Variants in LTBP4 observed in about 807,000 individuals in gnomAD.
LTBP4 encodes the protein latent transforming growth factor beta binding protein 4.
In LTBP4, 93 loss-of-function variants were observed where a neutral mutation model predicts 180.2. The observed-to-expected ratio is 0.52, with a 90% CI of 0.44 to 0.61. LTBP4 has a LOEUF of 0.61. Among genes scored for constraint, LTBP4 ranks in the 20% least tolerant of loss-of-function variants. The pLI is 0.00. For missense variants in LTBP4, 2,116 were observed against 2,256.5 expected (o/e 0.94, Z 1.26); for synonymous variants, 947 against 934.5 (o/e 1.01, Z -0.24).
Position 40,610,595 on chromosome 19 carries a change from G to T in LTBP4, c.1748G>T (p.Gly583Val), listed in dbSNP as rs767009400. ...CDLGRCENTPGSFLCVCPAGY... is the reference protein window; with the variant it reads ...CDLGRCENTPVSFLCVCPAGY... ...CTCGGGCGCTGCGAGAACACGCCAGGCAGCTTCCTGTGCGTGTGCCCCGCC... is the reference window on the plus strand; with the variant it reads ...CTCGGGCGCTGCGAGAACACGCCAGTCAGCTTCCTGTGCGTGTGCCCCGCC... Residue 583 changes from glycine to valine, a missense_variant, in exon 12 of 30, where the codon GGC becomes GTC. Gly to Val is a moderately radical substitution (Grantham distance 109, BLOSUM62 -3). Transcript: ENST00000396819. The T allele has an allele frequency of 1.4e-5, 22 of 1,589,982 alleles. No homozygotes were observed. In the South Asian group the frequency reaches 2.4e-4, roughly 17 times the overall value.
Position 40,613,679 on chromosome 19 carries a change from A to T in LTBP4, c.2557+150A>T. 1 of 1,270,964 alleles carries T rather than the reference A, an allele frequency of 7.9e-7. No individual in the cohort carries two copies. The highest frequency in any genetic ancestry group is 1.1e-6 in the Non-Finnish European group (1 of 911,574). The allele number at this position is 1,270,964 out of a possible 1,614,324, so 78.7% of individuals were successfully genotyped here. A position where few individuals can be genotyped will look rare whatever the true frequency, so the allele number is the denominator to read the frequency against. The stretch of plus-strand genomic sequence containing the variant: ...GGGCAGCTGGTGGGAGTCTCGAGGC[A>T]GTGAGGGGGGGCGGGGCGTGGAGAT... On this transcript the variant is annotated intron_variant, in intron 17 of 29. Coordinates refer to ENST00000396819, the MANE Select transcript of LTBP4 (RefSeq NM_001042545.2). This position sits in a 1 kb window ranked among gnomAD's most constrained non-coding sequence, Gnocchi z 5.0.
chr19:40,600,250 G>C (rs1007057396), upstream of LTBP4: 3 of 860,578 alleles, frequency 3.5e-6, no homozygotes, highest in African/African-American at 1.7e-5. The surrounding 1 kb of genome is among the most constrained non-coding windows in gnomAD (Gnocchi z 4.4). Flanking sequence ...TGGTTCCCAC[G>C]GTCCAGCCGC....
At position 40,607,375 on chromosome 19, in the gene LTBP4, G is replaced by A. The variant is rs1189101290; in HGVS notation, c.1002G>A (p.Val334=). 2 of 1,612,310 alleles carry A rather than the reference G, an allele frequency of 1.2e-6. No homozygotes were observed. Among genetic ancestry groups the A allele is most frequent in the Non-Finnish European group, 1.7e-6 (2 of 1,179,426 alleles). The change falls in exon 7 of 30, where the codon GTG becomes GTA. Residue 334 remains valine (V), a synonymous_variant. Transcript: ENST00000396819. ...CCCTGCTCCTCGCAGCCCAACACGT[G>A]ATCTCAGAGGCCAAAGGGCCCTGCT... ...SSRSSCISQH[V]ISEAKGPCFR...
At chr19:40,623,574 C>T in intron 24 of LTBP4, 30 bp from the exon 25 acceptor site, 1 of 1,603,266 alleles carries the variant, frequency 6.2e-7, no homozygotes, top group Non-Finnish European at 8.5e-7. Context: ...ATCCAGCCCG[C>T]CCCCATCTCT....
intron 6 of LTBP4, 72 bp from the exon 7 acceptor site, chr19:40,607,293 T>A (rs1444450949): frequency 3.2e-4 from 44 of 137,576 alleles, no homozygotes; most frequent in Non-Finnish European, 4.6e-4. Flanking sequence ...ACCATTCCCC[T>A]CTCTCCCAAA....
At chr19:40,596,070 A>C (rs1303192316) in intron 1 of LTBP4, among the ~76,000 whole-genome samples, 1 of 151,032 alleles carries the variant, frequency 6.6e-6, no homozygotes, top group Non-Finnish European at 1.5e-5. Context: ...ACAGGCGCCC[A>C]CCACTGCACC....
rs2081590730 is a variant in LTBP4, at chr19:40,622,227, GT to G, written c.3218-173del. On this transcript the variant is annotated intron_variant, in intron 22 of 29. Coordinates refer to ENST00000396819, the MANE Select transcript of LTBP4 (RefSeq NM_001042545.2). This position sits in a 1 kb window ranked among gnomAD's most constrained non-coding sequence, Gnocchi z 5.1. ...GATGCAGAAATGACAGGAGGTGACA[GT>G]GGGAGAAAGAGAAACAGTGACAGAG... Among the ~76,000 whole-genome samples the G allele has an allele frequency of 6.6e-6, 1 of 152,228 alleles. No individual in the cohort carries two copies. Among genetic ancestry groups the G allele is most frequent in the Non-Finnish European group, 1.5e-5 (1 of 68,042 alleles).
At chr19:40,620,382 G>A (rs1286846922) in intron 22 of LTBP4, among the ~76,000 whole-genome samples, 1 of 151,976 alleles carries the variant, frequency 6.6e-6, no homozygotes, top group African/African-American at 2.4e-5. Flanking sequence ...GGGACTACAG[G>A]CACATATCAC....
rs779892228 is a variant in LTBP4, at chr19:40,613,152, C to A, written c.2387C>A (p.Ala796Glu). 2 of 1,591,090 alleles carry A rather than the reference C, an allele frequency of 1.3e-6. No homozygotes were observed. The highest frequency in any genetic ancestry group is 4.6e-5 in the East Asian group (2 of 43,192). The change falls in exon 16 of 30, where the codon GCG becomes GAG. Residue 796 changes from alanine (A) to glutamate (E), a missense_variant. Physicochemically the swap from Ala to Glu is moderately radical, Grantham distance 107. Coordinates refer to ENST00000396819, the MANE Select transcript of LTBP4 (RefSeq NM_001042545.2). This position sits in a 1 kb window ranked among gnomAD's most constrained non-coding sequence, Gnocchi z 5.0. ...NTEGSFRCSC[A>E]PGYRAPSGRP... ...GAAGGCTCCTTCCGCTGCAGCTGCG[C>A]GCCAGGCTACCGGGCGCCGTCGGGT...
chr19:40,604,474 G>T (rs1172018268), intron 1 of LTBP4, among the ~76,000 whole-genome samples: 1 of 152,176 alleles, frequency 6.6e-6, no homozygotes, highest in Admixed American at 6.5e-5. Flanking sequence ...AATGGGCGGG[G>T]TCAGCGCCGT....
upstream of LTBP4, chr19:40,599,556 C>T (rs1336481065): frequency 1.2e-6 from 2 of 1,606,700 alleles, no homozygotes; most frequent in Admixed American, 1.7e-5. Context: ...CAGCCACTGA[C>T]GTGAGTGGGC....
rs1160648085 is a variant in LTBP4, at chr19:40,627,031, C to T, written c.4042C>T (p.Pro1348Ser). ...CCCCCCCGCATATAGCCCCCCGCGA[C>T]CAGGTGGCTTTGGACTCCCCTACGA... ...LRPPAYSPPR[P>S]GGFGLPYEYG... Residue 1348 changes from proline to serine, a missense_variant, in exon 28 of 30, where the codon CCA becomes TCA. Around this residue, in one of 5 missense-constraint regions of LTBP4, gnomAD observed 488 missense variants for 458.8 expected, o/e 1.06. Coordinates refer to ENST00000396819, the MANE Select transcript of LTBP4 (RefSeq NM_001042545.2). The T allele has an allele frequency of 4.4e-6, 7 of 1,605,808 alleles. No homozygotes were observed. Among genetic ancestry groups the T allele is most frequent in the Non-Finnish European group, 6.0e-6 (7 of 1,174,248 alleles).
At chr19:40,599,302 G>A, upstream of LTBP4, 1 of 1,613,258 alleles carries the variant, frequency 6.2e-7, no homozygotes, top group Non-Finnish European at 8.5e-7. Flanking sequence ...AAGGGAATAG[G>A]AGGAGAGGGG....
rs370175207 is a variant in LTBP4 at position 40,619,351 on chromosome 19, G to A, written c.3075G>A (p.Val1025=). ...CCTGTTGTCTCCTGCTTACAGATGT[G>A]AACGAGTGTGAAACACTACAGGGTG... is the stretch of plus-strand genomic sequence containing the variant. ...GARDGRHCVD[V]NECETLQGVC... The change falls in exon 22 of 30, where the codon GTG becomes GTA. Residue 1025 remains valine (V), a synonymous_variant. Transcript: ENST00000396819. 4.3e-6 allele frequency: 7 copies of A among 1,613,478 alleles called. No homozygotes were observed. In the African/African-American group the frequency reaches 6.7e-5, roughly 15 times the overall value.
intron 21 of LTBP4, among the ~76,000 whole-genome samples, chr19:40,617,537 A>C (rs1247886520): frequency 2.0e-5 from 3 of 151,778 alleles, no homozygotes; most frequent in Admixed American, 1.3e-4. Context: ...CCAGCTACTC[A>C]GGAAGCTGAG....
chr19:40,606,169 C>G (rs2146021955), intron 4 of LTBP4, 64 bp from the exon 5 acceptor site: 2 of 1,409,630 alleles, frequency 1.4e-6, no homozygotes, highest in South Asian at 2.5e-5. Context: ...CCGTCTTCGT[C>G]TCTGCCCACT....
chr19:40,601,490 C>A lies in LTBP4; in HGVS notation c.103C>A (p.Arg35Ser). The A allele has an allele frequency of 6.7e-7, 1 of 1,494,600 alleles. No homozygotes were observed. Among genetic ancestry groups the A allele is most frequent in the Non-Finnish European group, 8.9e-7 (1 of 1,128,734 alleles). The allele number at this position is 1,494,600 out of a possible 1,614,324, so 92.6% of individuals were successfully genotyped here. Reference protein sequence around the residue: ...LGRLGERLRVRFTPVVCGLRC... With the variant: ...LGRLGERLRVSFTPVVCGLRC... ...CCGGCTCGGAGAGCGTCTCCGCGTGCGCTTCACCCCGGTCGTGTGCGGCCT... is the reference window on the plus strand; with the variant it reads ...CCGGCTCGGAGAGCGTCTCCGCGTGAGCTTCACCCCGGTCGTGTGCGGCCT... Residue 35 changes from arginine to serine, a missense_variant, in exon 1 of 30, where the codon CGC becomes AGC. Physicochemically the swap from Arg to Ser is moderately radical, Grantham distance 110 (BLOSUM62 -1). Coordinates refer to ENST00000396819, the MANE Select transcript of LTBP4 (RefSeq NM_001042545.2).
intron 1 of LTBP4, among the ~76,000 whole-genome samples, chr19:40,602,547 C>T (rs977049573): frequency 1.3e-5 from 2 of 152,146 alleles, no homozygotes; most frequent in Admixed American, 6.5e-5. Context: ...CCCGCCTGAG[C>T]CCCCGCCCGC....
intron 6 of LTBP4, 65 bp from the exon 7 acceptor site, chr19:40,607,286 ATTCCCCTCTCTCCC>A: frequency 3.1e-6 from 1 of 324,262 alleles, no homozygotes; most frequent in East Asian, 2.4e-4. Flanking sequence ...CCCCAGAACC[ATTCCCCTCTCTCCC>A]AAATCCCTCA....
Sources: allele counts gnomAD v4.1 joint callset (sites outside exome capture counted in the v4.1 genomes callset), GRCh38; gene constraint gnomAD v4.1.1; regional missense constraint gnomAD v4.1.1; non-coding constraint Gnocchi (gnomAD v3.1); transcripts MANE v1.5; gene names NCBI Gene and HGNC (gene_info 2026-07-23, HGNC 2026-07-21).